Variants in FAM228B observed in about 807,000 individuals in gnomAD.
FAM228B encodes family with sequence similarity 228 member B, also known as protein FAM228B.
A neutral mutation model predicts 42.6 loss-of-function variants in FAM228B; 38 were observed. That is an observed-to-expected ratio of 0.89 (90% CI 0.69 to 1.17). The LOEUF is 1.17. Ranked by LOEUF, FAM228B falls within the 50% of genes most tolerant of loss-of-function variation. FAM228B has a pLI of 0.00. For missense variants in FAM228B, 344 were observed against 367.3 expected, an observed-to-expected ratio of 0.94 and a Z score of 0.52; for synonymous variants, 109 against 122.3, an observed-to-expected ratio of 0.89 and a Z score of 0.72.
intron 8 of FAM228B, among the ~76,000 whole-genome samples, chr2:24,162,279 A>C (rs1416971927): frequency 2.6e-5 from 4 of 152,234 alleles, no homozygotes; most frequent in African/African-American, 9.6e-5. Flanking sequence ...GGTGGGTAGT[A>C]GCTGTTACAA....
intron 7 of FAM228B, among the ~76,000 whole-genome samples, chr2:24,159,892 C>T (rs113252591): frequency 8.6e-5 from 13 of 151,950 alleles, no homozygotes; most frequent in African/African-American, 3.1e-4. Context: ...TCTGATTTTC[C>T]GTCCTTTCTC....
chr2:24,120,562 AT>A (rs1455242098), upstream of FAM228B, among the ~76,000 whole-genome samples: 2 of 139,436 alleles, frequency 1.4e-5, no homozygotes, highest in East Asian at 2.0e-4. Flanking sequence ...TTTTTTTAAA[AT>A]TTTTTTTTTG....
chr2:24,145,745 G>A (rs186107484), intron 5 of FAM228B, among the ~76,000 whole-genome samples: 4 of 136,544 alleles, frequency 2.9e-5, no homozygotes, highest in Admixed American at 8.4e-5. Flanking sequence ...TTGCTCTGTC[G>A]CCCAAGTGGA....
chr2:24,135,265 A>C, intron 3 of FAM228B, 78 bp downstream of exon 3: 1 of 780,582 alleles, frequency 1.3e-6, no homozygotes, highest in Non-Finnish European at 2.0e-6. Context: ...ATATTCTATA[A>C]AAACTATTTA....
intron 1 of FAM228B, among the ~76,000 whole-genome samples, chr2:24,078,112 T>TGGAAACGGGGCTGCAATGGAACTG (rs1664841185): frequency 2.0e-5 from 3 of 152,160 alleles, no homozygotes; most frequent in Admixed American, 6.5e-5. Flanking sequence ...CACCAGAGAC[T>TGGAAACGGGGCTGCAATGGAACTG]GGAAACGGGG....
At chr2:24,150,436 TA>T (rs1326652845) in intron 7 of FAM228B, among the ~76,000 whole-genome samples, 5 of 152,074 alleles carry the variant, frequency 3.3e-5, no homozygotes, top group African/African-American at 7.2e-5. Flanking sequence ...ATTTTATTAT[TA>T]TTTTTTTGAG....
chr2:24,150,142 T>C (rs1396083955), intron 7 of FAM228B, among the ~76,000 whole-genome samples: 7 of 152,176 alleles, frequency 4.6e-5, no homozygotes, highest in Non-Finnish European at 1.0e-4. Context: ...ACACCACCAT[T>C]GCAGTGTTAT....
chr2:24,123,783 G>A (rs912050046), intron 1 of FAM228B, among the ~76,000 whole-genome samples: 1 of 151,716 alleles, frequency 6.6e-6, no homozygotes, highest in East Asian at 2.0e-4. Context: ...GCAGGCGCCC[G>A]GCCTAGTGGG....
chr2:24,113,486 C>T (rs1290949585), intron 3 of FAM228B, among the ~76,000 whole-genome samples: 1 of 152,136 alleles, frequency 6.6e-6, no homozygotes, highest in East Asian at 1.9e-4. Context: ...GGAAGCATCG[C>T]TTGAGCTTAG....
upstream of FAM228B, chr2:24,122,486 T>A: frequency 5.0e-6 from 8 of 1,614,192 alleles, no homozygotes; most frequent in South Asian, 1.1e-5. Flanking sequence ...ACTGTCCACA[T>A]GCTTGGTTCC....
Position 24,157,101 on chromosome 2 carries a change from A to G in FAM228B, c.687-4405A>G, listed in dbSNP as rs1199706826. ...GTTGACCCAATGATTACTCAGGAGC[A>G]GGCTATTTAGTTTCCATGTATTTGC... On this transcript the variant is annotated intron_variant, in intron 7 of 10. Coordinates refer to ENST00000615575, the MANE Select transcript of FAM228B (RefSeq NM_001145710.2). Among the ~76,000 whole-genome samples, 3 of 152,346 alleles carry G rather than the reference A, an allele frequency of 2.0e-5. No individual in the cohort carries two copies. The East Asian group carries it at 5.8e-4, about 29-fold the overall frequency.
chr2:24,155,930 G>A (rs6725949), intron 7 of FAM228B, among the ~76,000 whole-genome samples: 130,661 of 152,126 alleles, frequency 0.86, 57,599 homozygotes, highest in Non-Finnish European at 0.95. Context: ...CAAATTTTGA[G>A]GATAATTGTG....
chr2:24,088,842 C>T (rs975377372), intron 2 of FAM228B, among the ~76,000 whole-genome samples: 14 of 152,140 alleles, frequency 9.2e-5, no homozygotes, highest in Non-Finnish European at 1.0e-4. Flanking sequence ...GGACTGAGCC[C>T]TTAATCTGTG....
At chr2:24,151,443 A>G (rs1299423212) in intron 7 of FAM228B, among the ~76,000 whole-genome samples, 1 of 151,368 alleles carries the variant, frequency 6.6e-6, no homozygotes, top group African/African-American at 2.4e-5. Flanking sequence ...GGCACCCACC[A>G]CCACGTCCGG....
intron 4 of FAM228B, among the ~76,000 whole-genome samples, chr2:24,138,310 A>G (rs1455788447): frequency 6.6e-6 from 1 of 152,104 alleles, no homozygotes; most frequent in African/African-American, 2.4e-5. Flanking sequence ...CATTAGAACC[A>G]TTTTTCTGTG....
intron 7 of FAM228B, among the ~76,000 whole-genome samples, chr2:24,159,936 A>G (rs567466056): frequency 6.7e-6 from 1 of 149,312 alleles, no homozygotes; most frequent in South Asian, 2.1e-4. Flanking sequence ...CTTTGTCTTT[A>G]GGTGTCCTGC....
intron 3 of FAM228B, among the ~76,000 whole-genome samples, chr2:24,105,336 C>T (rs927509238): frequency 6.6e-6 from 1 of 152,208 alleles, no homozygotes; most frequent in African/African-American, 2.4e-5. Context: ...GGAAGGGGCT[C>T]CTCCAAGACC....
intron 3 of FAM228B, among the ~76,000 whole-genome samples, chr2:24,101,915 T>C (rs1022978951): frequency 3.9e-5 from 6 of 152,102 alleles, no homozygotes; most frequent in African/African-American, 1.4e-4. Context: ...ATTTCTTGAC[T>C]TTGTGATCTG....
At chr2:24,097,450 GCAA>G (rs1665521157) in intron 3 of FAM228B, 1 of 24,150 alleles carries the variant, frequency 4.1e-5, no homozygotes, top group Non-Finnish European at 8.2e-5. Flanking sequence ...CAAATGGAAA[GCAA>G]AAAAAAAAAA....
Sources: gnomAD v4.1 joint callset for allele counts (sites outside exome capture counted in the v4.1 genomes callset) on GRCh38, gnomAD v4.1.1 for gene constraint, MANE v1.5 for transcripts, NCBI Gene and HGNC (gene_info 2026-07-23, HGNC 2026-07-21) for gene names.